Variants in SORCS3 observed in about 807,000 individuals in gnomAD.
SORCS3 encodes the protein sortilin related VPS10 domain containing receptor 3.
SORCS3 carries 57 observed loss-of-function variants against 146.3 expected under a neutral mutation model. That is an observed-to-expected ratio of 0.39 (90% CI 0.31 to 0.49). The LOEUF is 0.49. Among genes scored for constraint, SORCS3 ranks in the 20% least tolerant of loss-of-function variants. The pLI, the probability that SORCS3 is intolerant of heterozygous loss-of-function variation, is 0.92. For synonymous variants in SORCS3, 653 were observed against 618.5 expected, an observed-to-expected ratio of 1.06 and a Z score of -0.83; for missense variants, 1,341 against 1,575.5, an observed-to-expected ratio of 0.85 and a Z score of 2.52.
chr10:105,068,103 G>T (rs577706647), intron 5 of SORCS3, among the ~76,000 whole-genome samples: 55 of 151,950 alleles, frequency 3.6e-4, no homozygotes, highest in African/African-American at 1.3e-3. Flanking sequence ...CTCTAATACT[G>T]CCAGATAGCT....
chr10:104,916,391 T>A lies in SORCS3; in HGVS notation c.795+459T>A, dbSNP rs560341062. Among the ~76,000 whole-genome samples the A allele has an allele frequency of 2.2e-4, 33 of 152,270 alleles. 1 individual carries two copies. In the South Asian group the frequency reaches 6.6e-3, roughly 31 times the overall value. ...TGAGAACCCCTTACTCCAAGGGAGA[T>A]TGTTTCTCCCACGTGAAGGAAAGAA... On this transcript the variant is annotated intron_variant, in intron 3 of 26. Transcript: ENST00000369701.
intron 5 of SORCS3, among the ~76,000 whole-genome samples, chr10:105,088,930 A>G (rs1222279320): frequency 6.6e-6 from 1 of 152,234 alleles, no homozygotes; most frequent in Non-Finnish European, 1.5e-5. Context: ...TCATTAGACT[A>G]TAAGTAAGAG....
At chr10:104,879,717 C>T (rs1290397658) in intron 2 of SORCS3, among the ~76,000 whole-genome samples, 2 of 152,138 alleles carry the variant, frequency 1.3e-5, no homozygotes, top group South Asian at 2.1e-4. Flanking sequence ...AAGGGGTTTC[C>T]GCTGAATTTA....
intron 4 of SORCS3, among the ~76,000 whole-genome samples, chr10:105,000,055 C>CTGAATGAA (rs10558991): frequency 0.011 from 1,662 of 150,728 alleles, 5 homozygotes; most frequent in South Asian, 0.02. Context: ...CATTCACCTG[C>CTGAATGAA]TGAATGAATG....
chr10:104,889,047 C>G (rs1378399599), intron 2 of SORCS3, among the ~76,000 whole-genome samples: 3 of 152,120 alleles, frequency 2.0e-5, no homozygotes, highest in Admixed American at 6.5e-5. Flanking sequence ...AAATATTTCT[C>G]TTTATCTGTG....
intron 1 of SORCS3, among the ~76,000 whole-genome samples, chr10:104,823,412 C>A (rs930618858): frequency 6.6e-6 from 1 of 151,676 alleles, no homozygotes; most frequent in African/African-American, 2.4e-5. Context: ...TTTTCCTATT[C>A]TGTTCCATTT....
intron 8 of SORCS3, among the ~76,000 whole-genome samples, chr10:105,140,644 A>AATTTTTTT (rs1006921752): frequency 5.9e-5 from 9 of 152,284 alleles, no homozygotes; most frequent in Admixed American, 4.6e-4. Flanking sequence ...GCAAACAAAG[A>AATTTTTTT]TGGGGAGAAG....
intron 1 of SORCS3, among the ~76,000 whole-genome samples, chr10:104,740,510 C>T (rs2016828872): frequency 6.6e-6 from 1 of 152,118 alleles, no homozygotes; most frequent in South Asian, 2.1e-4. Flanking sequence ...CATAGCCTGG[C>T]TTTGTCCTTC....
chr10:104,902,862 G>A (rs1056344453), intron 2 of SORCS3, among the ~76,000 whole-genome samples: 2 of 152,196 alleles, frequency 1.3e-5, no homozygotes, highest in African/African-American at 2.4e-5. Flanking sequence ...TTGGTGTTGT[G>A]TTGCTAGTAG....
intron 11 of SORCS3, 29 bp from the exon 12 acceptor site, chr10:105,164,274 C>T (rs938718878): frequency 1.3e-6 from 2 of 1,578,944 alleles, no homozygotes; most frequent in African/African-American, 2.7e-5. Flanking sequence ...AAACTCCTGA[C>T]AATCTCAAAT....
At chr10:105,245,060 C>A in intron 20 of SORCS3, among the ~76,000 whole-genome samples, 2 of 119,130 alleles carry the variant, frequency 1.7e-5, no homozygotes, top group Non-Finnish European at 3.5e-5. Context: ...CAGAGCAAGA[C>A]TCTGTCAAAA....
At chr10:104,706,201 C>CTTTTTTTTTT (rs1162969172) in intron 1 of SORCS3, among the ~76,000 whole-genome samples, 24 of 85,870 alleles carry the variant, frequency 2.8e-4, no homozygotes, top group Non-Finnish European at 3.2e-4. Context: ...TTTTCTTCTT[C>CTTTTTTTTTT]TTTTTTTTTT....
intron 20 of SORCS3, among the ~76,000 whole-genome samples, chr10:105,240,946 AAAT>A (rs2056818246): frequency 6.8e-6 from 1 of 147,862 alleles, no homozygotes; most frequent in African/African-American, 2.5e-5. Context: ...ACACTGAAAA[AAAT>A]ATATATATAT....
chr10:105,144,446 C>T (rs1473999842), intron 8 of SORCS3, among the ~76,000 whole-genome samples: 1 of 152,100 alleles, frequency 6.6e-6, no homozygotes, highest in Non-Finnish European at 1.5e-5. Flanking sequence ...AATAAAGTTA[C>T]ATTAGGCCTA....
intron 1 of SORCS3, among the ~76,000 whole-genome samples, chr10:104,657,204 G>A (rs1564652642): frequency 6.6e-6 from 1 of 152,098 alleles, no homozygotes; most frequent in Non-Finnish European, 1.5e-5. Context: ...GCCATTCCCA[G>A]CCAAGCCCAC....
chr10:104,771,921 T>G (rs1465004350), intron 1 of SORCS3, among the ~76,000 whole-genome samples: 2 of 152,116 alleles, frequency 1.3e-5, no homozygotes, highest in African/African-American at 4.8e-5. Context: ...TTGGATCATG[T>G]GTTCCGACTG....
chr10:105,030,412 G>T (rs1164686786), intron 4 of SORCS3, among the ~76,000 whole-genome samples: 1 of 152,110 alleles, frequency 6.6e-6, no homozygotes, highest in Non-Finnish European at 1.5e-5. Flanking sequence ...CAGCAGGCTA[G>T]CATGGCTGTG....
chr10:104,873,783 CTAACAGAT>C (rs1389540979), intron 2 of SORCS3, among the ~76,000 whole-genome samples: 5 of 152,162 alleles, frequency 3.3e-5, no homozygotes, highest in African/African-American at 1.2e-4. Context: ...TTTGTACAAG[CTAACAGAT>C]TGTCATAAAG....
intron 7 of SORCS3, among the ~76,000 whole-genome samples, chr10:105,125,679 C>CACACAAACACACACA (rs370356129): frequency 6.9e-6 from 1 of 144,374 alleles, no homozygotes; most frequent in Admixed American, 6.9e-5. Flanking sequence ...CACTGAATAT[C>CACACAAACACACACA]CACACACACA....
Sources: allele counts gnomAD v4.1 joint callset (sites outside exome capture counted in the v4.1 genomes callset), GRCh38; gene constraint gnomAD v4.1.1; transcripts MANE v1.5; gene names NCBI Gene and HGNC (gene_info 2026-07-23, HGNC 2026-07-21).